The following PCDHGB6 variants were observed in gnomAD, a reference collection of about 807,000 sequenced individuals.
PCDHGB6 encodes the protein protocadherin gamma subfamily B, 6, also known as protocadherin gamma-B6.
PCDHGB6 carries 51 observed loss-of-function variants against 59.1 expected under a neutral mutation model. The observed-to-expected ratio is 0.86, with a 90% CI of 0.69 to 1.09. The LOEUF (loss-of-function observed/expected upper bound fraction) is 1.09. Among genes scored for constraint, PCDHGB6 ranks in the 50% least tolerant of loss-of-function variants. The pLI is 0.00. For missense variants in PCDHGB6, 1,148 were observed against 1,205.1 expected (o/e 0.95, Z 0.70); for synonymous variants, 466 against 495.1 (o/e 0.94, Z 0.78).
At position 141,432,707 on chromosome 5, in the gene PCDHGB6, G is replaced by A. The variant is rs750859951; in HGVS notation, c.2418+22087G>A. ...CCTCGTAGTGGCCGTCCAGGACCAC[G>A]GCCAGCCCCCTCTCTCCGCCACTGT... On this transcript the variant is annotated intron_variant, in intron 1 of 3. Coordinates refer to ENST00000520790, the MANE Select transcript of PCDHGB6 (RefSeq NM_018926.3). The surrounding 1 kb of genome is among the most constrained non-coding windows in gnomAD (Gnocchi z 6.0). 5 of 1,613,988 alleles carry A rather than the reference G, an allele frequency of 3.1e-6. No individual in the cohort carries two copies. Among genetic ancestry groups the A allele is most frequent in the Non-Finnish European group, 4.2e-6 (5 of 1,179,970 alleles).
In PCDHGB6 at chr5:141,489,307, T is replaced by A; in HGVS notation, c.2419-5500T>A. On this transcript the variant is annotated intron_variant, in intron 1 of 3. Transcript: ENST00000520790. The surrounding 1 kb of genome is among the most constrained non-coding windows in gnomAD (Gnocchi z 4.5). ...AGTGCTGTGCATGTTGTCCTTGTGCTGCTGGGGCTGGGTGTCTGGGCAGCT... is the reference window on the plus strand; with the variant it reads ...AGTGCTGTGCATGTTGTCCTTGTGCAGCTGGGGCTGGGTGTCTGGGCAGCT... The A allele has an allele frequency of 6.3e-7, 1 of 1,591,138 alleles. No individual in the cohort carries two copies. The highest frequency in any genetic ancestry group is 8.6e-7 in the Non-Finnish European group (1 of 1,168,222).
At chr5:141,454,685 C>A (rs1305853379) in intron 1 of PCDHGB6, among the ~76,000 whole-genome samples, 1 of 151,844 alleles carries the variant, frequency 6.6e-6, no homozygotes, top group Non-Finnish European at 1.5e-5. Context: ...GGATTACAGG[C>A]ATGAGCCACC....
At position 141,432,156 on chromosome 5, in the gene PCDHGB6, C is replaced by A; in HGVS notation, c.2418+21536C>A. On this transcript the variant is annotated intron_variant, in intron 1 of 3. Transcript: ENST00000520790. This position sits in a 1 kb window ranked among gnomAD's most constrained non-coding sequence, Gnocchi z 6.0. Reference sequence around the variant, plus strand: ...TCCGCTTATATCCCAGAGAACAATCCCAGAGGAGTTTCCCTCGTCTCTGTG... The same window carrying A: ...TCCGCTTATATCCCAGAGAACAATCACAGAGGAGTTTCCCTCGTCTCTGTG... The A allele has an allele frequency of 6.2e-7, 1 of 1,614,142 alleles. No homozygotes were observed. Among genetic ancestry groups the A allele is most frequent in the East Asian group, 2.2e-5 (1 of 44,874 alleles).
Position 141,489,978 on chromosome 5 carries a change from T to C in PCDHGB6, c.2419-4829T>C. 6.2e-7 allele frequency: 1 copy of C among 1,614,192 alleles called. No homozygotes were observed. Among genetic ancestry groups the C allele is most frequent in the Non-Finnish European group, 8.5e-7 (1 of 1,180,012 alleles). On this transcript the variant is annotated intron_variant, in intron 1 of 3. Coordinates refer to ENST00000520790, the MANE Select transcript of PCDHGB6 (RefSeq NM_018926.3). The surrounding 1 kb of genome is among the most constrained non-coding windows in gnomAD (Gnocchi z 4.5). ...ATGCTCCAACCTTCCAATCCTCAGT[T>C]CTACGTGTGGGAATCCCAGAGAATG...
chr5:141,478,590 A>T, intron 1 of PCDHGB6: 1 of 1,573,342 alleles, frequency 6.4e-7, no homozygotes, highest in South Asian at 1.1e-5. Flanking sequence ...GTGCTTTTTT[A>T]TTCCTACATC....
chr5:141,504,907 A>G (rs2099841813), intron 2 of PCDHGB6, among the ~76,000 whole-genome samples: 1 of 152,100 alleles, frequency 6.6e-6, no homozygotes, highest in African/African-American at 2.4e-5. Context: ...TCACTATGAC[A>G]GGAAGCCAGG....
chr5:141,485,625 G>A lies in PCDHGB6; in HGVS notation c.2419-9182G>A, dbSNP rs1458191111. On this transcript the variant is annotated intron_variant, in intron 1 of 3. Coordinates refer to ENST00000520790, the MANE Select transcript of PCDHGB6 (RefSeq NM_018926.3). This position sits in a 1 kb window ranked among gnomAD's most constrained non-coding sequence, Gnocchi z 5.7. ...GGGGAGGCAGCTCCTCCAGGACAGC[G>A]TTTCCCGTTGGAAAAGGCTCAGGAT... is the stretch of plus-strand genomic sequence containing the variant. The A allele has an allele frequency of 1.2e-6, 2 of 1,611,968 alleles. No homozygotes were observed. The highest frequency in any genetic ancestry group is 3.3e-5 in the Admixed American group (2 of 59,916).
intron 1 of PCDHGB6, chr5:141,433,123 C>G (rs575738328): frequency 3.7e-6 from 6 of 1,614,116 alleles, no homozygotes; most frequent in Non-Finnish European, 5.1e-6. Context: ...TTGAAAAAAG[C>G]GAGCCCCTTT....
chr5:141,492,911 G>A (rs1008138353), intron 1 of PCDHGB6, among the ~76,000 whole-genome samples: 1 of 152,216 alleles, frequency 6.6e-6, no homozygotes, highest in Admixed American at 6.5e-5. Context: ...TGATCACAAT[G>A]TGCCCAGCGA....
Position 141,491,190 on chromosome 5 carries a change from C to A in PCDHGB6, c.2419-3617C>A, listed in dbSNP as rs759736855. On this transcript the variant is annotated intron_variant, in intron 1 of 3. Transcript: ENST00000520790. The surrounding 1 kb of genome is among the most constrained non-coding windows in gnomAD (Gnocchi z 6.9). ...AGCAGGTGGTGGTCCTGGTGAGGGA[C>A]AATGGTGACCCTTCACTCTCCTCCA... 1 of 1,614,192 alleles carries A rather than the reference C, an allele frequency of 6.2e-7. No homozygotes were observed. The highest frequency in any genetic ancestry group is 1.1e-5 in the South Asian group (1 of 91,082).
chr5:141,441,867 G>T, intron 1 of PCDHGB6: 1 of 345,800 alleles, frequency 2.9e-6, no homozygotes, highest in Non-Finnish European at 5.6e-6. Flanking sequence ...ACGCCGCGGA[G>T]CCTGGCTACC....
chr5:141,421,964 C>T (rs772274014), intron 1 of PCDHGB6: 3 of 1,611,472 alleles, frequency 1.9e-6, no homozygotes, highest in Non-Finnish European at 1.7e-6. Flanking sequence ...TTTACACAGT[C>T]CGTATATCGC....
chr5:141,433,358 C>T (rs974347696), intron 1 of PCDHGB6: 20 of 503,934 alleles, frequency 4.0e-5, no homozygotes, highest in African/African-American at 3.1e-4. Flanking sequence ...CTACTGTCTG[C>T]CTATCTATCT....
intron 1 of PCDHGB6, among the ~76,000 whole-genome samples, chr5:141,452,019 C>T (rs1227308101): frequency 3.3e-5 from 5 of 152,194 alleles, no homozygotes; most frequent in African/African-American, 1.2e-4. Flanking sequence ...AGCCCACACT[C>T]TGGGGAGATG....
intron 1 of PCDHGB6, among the ~76,000 whole-genome samples, chr5:141,474,029 C>T (rs1047673843): frequency 6.6e-6 from 1 of 152,092 alleles, no homozygotes; most frequent in Non-Finnish European, 1.5e-5. Context: ...ATGATTATTC[C>T]ACTGTACTCC....
At chr5:141,504,269 A>T (rs7715517) in intron 2 of PCDHGB6, among the ~76,000 whole-genome samples, 3,100 of 152,246 alleles carry the variant, frequency 0.02, 113 homozygotes, top group African/African-American at 0.07. Context: ...GTATTTTTTT[A>T]AATTATGAAT....
chr5:141,423,156 C>G, intron 1 of PCDHGB6: 1 of 1,613,388 alleles, frequency 6.2e-7, no homozygotes, highest in Non-Finnish European at 8.5e-7. Flanking sequence ...AGCAGAGCCT[C>G]GTGGTGGCCG....
chr5:141,485,109 CTGTT>C lies in PCDHGB6; in HGVS notation c.2419-9695_2419-9692del. ...AGATAGGTGTCTCCAGCTGCTGTGG[CTGTT>C]TGGGGCGGGTCGGCTTCATCCGCGT... On this transcript the variant is annotated intron_variant, in intron 1 of 3. Transcript: ENST00000520790. This position sits in a 1 kb window ranked among gnomAD's most constrained non-coding sequence, Gnocchi z 5.7. 8.1e-7 allele frequency: 1 copy of C among 1,230,964 alleles called. No individual in the cohort carries two copies. Among genetic ancestry groups the C allele is most frequent in the Non-Finnish European group, 1.2e-6 (1 of 850,026 alleles). The allele number at this position is 1,230,964 out of a possible 1,614,324, so 76.3% of individuals were successfully genotyped here.
At position 141,494,934 on chromosome 5, in the gene PCDHGB6, T is replaced by C. The variant is rs2099757666; in HGVS notation, c.2477+69T>C. On this transcript the variant is annotated intron_variant, in intron 2 of 3. Transcript: ENST00000520790. ...TTCTCAGGGATGACGTGGGAGGAGA[T>C]GGGGGAGGGCCCAGCATTTGCTACA... 5.6e-6 allele frequency: 9 copies of C among 1,612,736 alleles called. No individual in the cohort carries two copies. The South Asian group carries it at 7.7e-5, about 14-fold the overall frequency.
Sources: allele counts gnomAD v4.1 joint callset (sites outside exome capture counted in the v4.1 genomes callset), GRCh38; gene constraint gnomAD v4.1.1; non-coding constraint Gnocchi (gnomAD v3.1); transcripts MANE v1.5; gene names NCBI Gene and HGNC (gene_info 2026-07-23, HGNC 2026-07-21).